Variants in ABHD6 observed in about 807,000 individuals in gnomAD.
ABHD6 encodes abhydrolase domain containing 6, acylglycerol lipase.
In ABHD6, 33 loss-of-function variants were observed where a neutral mutation model predicts 38.8. The ratio of observed to expected loss-of-function variants is 0.85; its 90% CI spans 0.64 to 1.14. The LOEUF is 1.14. ABHD6 is among the 50% of genes most tolerant of loss of function. The probability of loss-of-function intolerance (pLI) is 0.00; values close to 1 mark genes in which losing one functional copy is unlikely to be tolerated. For synonymous variants in ABHD6, 147 were observed against 161.6 expected, an observed-to-expected ratio of 0.91 and a Z score of 0.69; for missense variants, 380 against 422.6, an observed-to-expected ratio of 0.90 and a Z score of 0.88.
chr3:58,256,084 C>CAT lies in ABHD6; in HGVS notation c.-25-477_-25-476insTA, dbSNP rs2097433035. ...TCTCTTTTCCTCCCACCAACACACACACACACACACACACACACACACACA... is the reference window on the plus strand; with the variant it reads ...TCTCTTTTCCTCCCACCAACACACACATACACACACACACACACACACACACA... On this transcript the variant is annotated intron_variant, in intron 2 of 9. Coordinates refer to ENST00000478253, the MANE Select transcript of ABHD6 (RefSeq NM_001320126.2). This position sits in a 1 kb window ranked among gnomAD's most constrained non-coding sequence, Gnocchi z 4.3. Among the ~76,000 whole-genome samples, 1 of 77,850 alleles carries CAT rather than the reference C, an allele frequency of 1.3e-5. No individual in the cohort carries two copies. The allele number at this position is 77,850 out of a possible 152,430, so 51.1% of individuals were successfully genotyped here.
At chr3:58,248,452 C>T (rs1360804942) in intron 1 of ABHD6, among the ~76,000 whole-genome samples, 1 of 152,150 alleles carries the variant, frequency 6.6e-6, no homozygotes, top group Admixed American at 6.5e-5. Context: ...AATCCCAGCA[C>T]TTTGGAAGGC....
intron 6 of ABHD6, among the ~76,000 whole-genome samples, chr3:58,271,287 A>G (rs1229677720): frequency 1.3e-5 from 2 of 151,916 alleles, no homozygotes; most frequent in Non-Finnish European, 2.9e-5. Context: ...CAAGAATTTG[A>G]GGTGGGGCCA....
chr3:58,252,122 C>T (rs1005821281), intron 2 of ABHD6, among the ~76,000 whole-genome samples: 1 of 151,892 alleles, frequency 6.6e-6, no homozygotes, highest in Non-Finnish European at 1.5e-5. Context: ...TGGTGCCATC[C>T]ATTGCACGAG....
rs528235819 is a variant in ABHD6, at chr3:58,281,252, G to C, written c.682-3833G>C. Among the ~76,000 whole-genome samples the C allele has an allele frequency of 1.2e-4, 19 of 152,316 alleles. No individual in the cohort carries two copies. The South Asian group carries it at 3.9e-3, about 32-fold the overall frequency. ...TTGCTGAGCTGTGGTGGGCTTTGCC[G>C]AGTTCGAGCTTCCAGGCCACTTTGT... On this transcript the variant is annotated intron_variant, in intron 7 of 9. Coordinates refer to ENST00000478253, the MANE Select transcript of ABHD6 (RefSeq NM_001320126.2).
In ABHD6 at chr3:58,285,150, C is replaced by A. The variant is rs911113237; in HGVS notation, c.736+11C>A. 2.5e-6 allele frequency: 4 copies of A among 1,613,296 alleles called. No homozygotes were observed. The African/African-American group carries it at 5.3e-5, about 22-fold the overall frequency. On this transcript the variant is annotated intron_variant, in intron 8 of 9. Coordinates refer to ENST00000478253, the MANE Select transcript of ABHD6 (RefSeq NM_001320126.2). The surrounding 1 kb of genome is among the most constrained non-coding windows in gnomAD (Gnocchi z 4.9). ...ACTTCTACCGAAAGTGTAAGTAGCC[C>A]TACTTTCAGCTTGGAGCTTGTTACA...
intron 1 of ABHD6, among the ~76,000 whole-genome samples, chr3:58,241,025 C>T (rs1232780026): frequency 1.3e-5 from 2 of 152,062 alleles, no homozygotes; most frequent in Non-Finnish European, 2.9e-5. Context: ...CCACCGCGCC[C>T]GGCCAAACCT....
At chr3:58,240,499 A>G (rs2097422037) in intron 1 of ABHD6, among the ~76,000 whole-genome samples, 1 of 152,214 alleles carries the variant, frequency 6.6e-6, no homozygotes, top group African/African-American at 2.4e-5. Flanking sequence ...TATTTGGAAG[A>G]TGCCAGGAAG....
chr3:58,256,528 GT>G lies in ABHD6; in HGVS notation c.-25-30del, dbSNP rs1396159026. ...TTCGCCTTTTTTCCTTTGATACAGA[GT>G]TTTAATATCGTCATTCTCTTTGGCC... On this transcript the variant is annotated intron_variant, in intron 2 of 9. Coordinates refer to ENST00000478253, the MANE Select transcript of ABHD6 (RefSeq NM_001320126.2). This position sits in a 1 kb window ranked among gnomAD's most constrained non-coding sequence, Gnocchi z 4.3. 1.5e-6 allele frequency: 2 copies of G among 1,305,920 alleles called. No individual in the cohort carries two copies. Among genetic ancestry groups the G allele is most frequent in the African/African-American group, 3.0e-5 (2 of 67,662 alleles). The allele number at this position is 1,305,920 out of a possible 1,614,324, so 80.9% of individuals were successfully genotyped here.
chr3:58,265,127 A>G lies in ABHD6; in HGVS notation c.120-2062A>G, dbSNP rs776683614. On this transcript the variant is annotated intron_variant, in intron 3 of 9. Coordinates refer to ENST00000478253, the MANE Select transcript of ABHD6 (RefSeq NM_001320126.2). This position sits in a 1 kb window ranked among gnomAD's most constrained non-coding sequence, Gnocchi z 4.2. Reference sequence around the variant, plus strand: ...TGCATTGTTTTGATTTTTAGATCCCATAAATAAGTGAGAGCATGTGATGTT... The same window carrying G: ...TGCATTGTTTTGATTTTTAGATCCCGTAAATAAGTGAGAGCATGTGATGTT... 1.1e-4 allele frequency among the ~76,000 whole-genome samples: 17 copies of G among 152,306 alleles called. No individual in the cohort carries two copies. Among genetic ancestry groups the G allele is most frequent in the South Asian group, 8.3e-4 (4 of 4,828 alleles).
chr3:58,282,628 C>T (rs768268649), intron 7 of ABHD6, among the ~76,000 whole-genome samples: 8 of 152,086 alleles, frequency 5.3e-5, no homozygotes, highest in South Asian at 2.1e-4. Context: ...TCCAGCTACT[C>T]GGGAGGCTGA....
At chr3:58,271,764 C>CTGTTTTTTTTT (rs2097445086) in intron 6 of ABHD6, among the ~76,000 whole-genome samples, 1 of 78,114 alleles carries the variant, frequency 1.3e-5, no homozygotes, top group African/African-American at 4.7e-5. Context: ...CCCCCTCTCT[C>CTGTTTTTTTTT]TGTTTTTTTT....
chr3:58,284,404 C>T (rs1267749000), intron 7 of ABHD6, among the ~76,000 whole-genome samples: 17 of 150,918 alleles, frequency 1.1e-4, no homozygotes, highest in Admixed American at 1.1e-3. Flanking sequence ...ACTTGTTCTG[C>T]GTTTGGATAT....
chr3:58,291,063 C>T (rs1359295250), intron 9 of ABHD6, among the ~76,000 whole-genome samples: 1 of 150,052 alleles, frequency 6.7e-6, no homozygotes, highest in East Asian at 2.0e-4. Flanking sequence ...GCCGAGATCA[C>T]ACCACTGCAC....
Position 58,269,507 on chromosome 3 carries a change from G to A in ABHD6, c.390+73G>A. 1 of 1,196,100 alleles carries A rather than the reference G, an allele frequency of 8.4e-7. No individual in the cohort carries two copies. The highest frequency in any genetic ancestry group is 1.3e-5 in the South Asian group (1 of 77,670). 74.1% of individuals were successfully genotyped at this position (1,196,100 alleles called of 1,614,324 possible). Reference sequence around the variant, plus strand: ...ATTACATGTCTGAGTCTGGAGAGCAGGGAAGGGAGTCCTGTGCTACCTCAT... The same window carrying A: ...ATTACATGTCTGAGTCTGGAGAGCAAGGAAGGGAGTCCTGTGCTACCTCAT... On this transcript the variant is annotated intron_variant, in intron 5 of 9. Coordinates refer to ENST00000478253, the MANE Select transcript of ABHD6 (RefSeq NM_001320126.2). The surrounding 1 kb of genome is among the most constrained non-coding windows in gnomAD (Gnocchi z 4.4).
At chr3:58,270,828 A>G in intron 5 of ABHD6, 104 bp from the exon 6 acceptor site, 1 of 1,315,580 alleles carries the variant, frequency 7.6e-7, no homozygotes, top group Non-Finnish European at 1.0e-6. Context: ...AACAGTAGTC[A>G]TTTTCAGTTG....
intron 9 of ABHD6, among the ~76,000 whole-genome samples, chr3:58,289,979 G>A (rs1424298978): frequency 1.4e-5 from 2 of 142,742 alleles, no homozygotes; most frequent in African/African-American, 5.5e-5. Context: ...GAGGCGGCTG[G>A]CCGGGCGGGG....
chr3:58,238,603 GCACGTGCAGGGT>G lies in ABHD6; in HGVS notation c.-91+688_-91+699del, dbSNP rs2097420711. 6.5e-6 allele frequency: 1 copy of G among 152,818 alleles called. No individual in the cohort carries two copies. Among genetic ancestry groups the G allele is most frequent in the South Asian group, 2.1e-4 (1 of 4,852 alleles). 9.5% of individuals were successfully genotyped at this position (152,818 alleles called of 1,614,324 possible). A position where few individuals can be genotyped will look rare whatever the true frequency, so the allele number is the denominator to read the frequency against. The stretch of plus-strand genomic sequence containing the variant: ...TGTGTAACGCCGGCTGCAGGGCAGT[GCACGTGCAGGGT>G]TTGCGCCCCTGAGCCCACAGCGAGG... On this transcript the variant is annotated intron_variant, in intron 1 of 9. Transcript: ENST00000478253. This position sits in a 1 kb window ranked among gnomAD's most constrained non-coding sequence, Gnocchi z 6.9.
chr3:58,250,527 G>A (rs1244617478), intron 2 of ABHD6, among the ~76,000 whole-genome samples: 1 of 152,106 alleles, frequency 6.6e-6, no homozygotes, highest in African/African-American at 2.4e-5. Flanking sequence ...GGGGTGGTGG[G>A]ACTATGGGGT....
intron 1 of ABHD6, among the ~76,000 whole-genome samples, chr3:58,246,070 A>T (rs1324198814): frequency 3.3e-5 from 5 of 152,180 alleles, no homozygotes; most frequent in Non-Finnish European, 7.4e-5. Flanking sequence ...CTGGCTGATG[A>T]CAGTTACATG....
Sources: allele counts gnomAD v4.1 joint callset (sites outside exome capture counted in the v4.1 genomes callset), GRCh38; gene constraint gnomAD v4.1.1; non-coding constraint Gnocchi (gnomAD v3.1); transcripts MANE v1.5; gene names NCBI Gene and HGNC (gene_info 2026-07-23, HGNC 2026-07-21).